Variants in MAGI2 observed in about 807,000 individuals in gnomAD.
MAGI2 encodes the protein membrane-associated guanylate kinase, WW and PDZ domain-containing protein 2.
Under a neutral mutation model 133.3 loss-of-function variants are expected in MAGI2, and 35 were observed. The ratio of observed to expected loss-of-function variants is 0.26; its 90% CI spans 0.20 to 0.35. MAGI2 has a LOEUF of 0.35. Ranked by LOEUF, MAGI2 falls within the 10% of genes least tolerant of loss-of-function variation. The pLI, the probability that MAGI2 is intolerant of heterozygous loss-of-function variation, is 1.00. For synonymous variants in MAGI2, 729 were observed against 710.6 expected, an observed-to-expected ratio of 1.03 and a Z score of -0.41; for missense variants, 1,636 against 1,863.4, an observed-to-expected ratio of 0.88 and a Z score of 2.25.
chr7:79,063,870 T>C (rs1393726924), intron 1 of MAGI2, among the ~76,000 whole-genome samples: 2 of 152,116 alleles, frequency 1.3e-5, no homozygotes, highest in African/African-American at 2.4e-5. Flanking sequence ...AAAATTCTTA[T>C]AAAGCCACAA....
intron 3 of MAGI2, among the ~76,000 whole-genome samples, chr7:78,573,055 A>ATGTATG (rs1563187510): frequency 8.8e-4 from 90 of 102,206 alleles, no homozygotes; most frequent in African/African-American, 3.5e-3. Flanking sequence ...ATATATATAT[A>ATGTATG]TATATATATA....
chr7:78,152,395 T>A (rs1218792813), intron 16 of MAGI2, among the ~76,000 whole-genome samples: 1 of 152,178 alleles, frequency 6.6e-6, no homozygotes, highest in African/African-American at 2.4e-5. Flanking sequence ...GAGATGTGTT[T>A]AAGCTTTATC....
intron 2 of MAGI2, among the ~76,000 whole-genome samples, chr7:78,670,472 A>G (rs1049433226): frequency 1.3e-5 from 2 of 152,248 alleles, no homozygotes; most frequent in African/African-American, 2.4e-5. Flanking sequence ...GGAAGAATCA[A>G]TATCATGAAA....
chr7:78,864,508 T>G (rs893195299), intron 2 of MAGI2, among the ~76,000 whole-genome samples: 2 of 152,214 alleles, frequency 1.3e-5, no homozygotes, highest in Non-Finnish European at 2.9e-5. Context: ...GCTGTGAGAT[T>G]GAATATAATT....
chr7:78,691,968 T>C (rs1817006429), intron 2 of MAGI2, among the ~76,000 whole-genome samples: 1 of 152,154 alleles, frequency 6.6e-6, no homozygotes, highest in Admixed American at 6.5e-5. Flanking sequence ...CCGGTGGGCA[T>C]GTTAATAATG....
In MAGI2 at chr7:78,795,557, A is replaced by G. The variant is rs541637966; in HGVS notation, c.419-168318T>C. Among the ~76,000 whole-genome samples the G allele has an allele frequency of 4.4e-4, 67 of 152,266 alleles. 2 individuals carry two copies. The South Asian group carries it at 0.013, about 30-fold the overall frequency. ...AAGAAGTCGAGAGGACACACAAAAA[A>G]GTGGAAAGATATTCCATGCTCATGG... On this transcript the variant is annotated intron_variant, in intron 2 of 21. Transcript: ENST00000354212.
chr7:78,407,965 A>G lies in MAGI2; in HGVS notation c.1046-38752T>C, dbSNP rs151070580. On this transcript the variant is annotated intron_variant, in intron 6 of 21. Transcript: ENST00000354212. ...CTTTGTTGCAGGAAATAAGCCAAGA[A>G]GCATATTATTTATTGAAGCAGGGGA... Among the ~76,000 whole-genome samples, 407 of 152,060 alleles carry G rather than the reference A, an allele frequency of 2.7e-3. 2 individuals carry two copies. The highest frequency in any genetic ancestry group is 9.1e-3 in the African/African-American group (379 of 41,486).
chr7:78,744,150 T>A (rs1475354277), intron 2 of MAGI2, among the ~76,000 whole-genome samples: 2 of 152,134 alleles, frequency 1.3e-5, no homozygotes, highest in Non-Finnish European at 2.9e-5. Context: ...TAAAGATATA[T>A]TTTCAAGAGG....
rs189421511 is a variant in MAGI2 at position 79,163,084 on chromosome 7, C to T, written c.302-155878G>A. ...ATGACTTCTCCTGTGACAAAACCTCCTTTTCTCTCCCCAAAACATCAGTAT... is the reference window on the plus strand; with the variant it reads ...ATGACTTCTCCTGTGACAAAACCTCTTTTTCTCTCCCCAAAACATCAGTAT... On this transcript the variant is annotated intron_variant, in intron 1 of 21. Transcript: ENST00000354212. 9.9e-5 allele frequency among the ~76,000 whole-genome samples: 15 copies of T among 152,136 alleles called. No homozygotes were observed. In the East Asian group the frequency reaches 2.9e-3, roughly 30 times the overall value.
chr7:78,495,361 T>C (rs966995519), intron 5 of MAGI2, among the ~76,000 whole-genome samples: 3 of 152,096 alleles, frequency 2.0e-5, no homozygotes, highest in Non-Finnish European at 4.4e-5. Context: ...GAACATGCGG[T>C]GTTTGGTTTT....
chr7:79,316,933 C>T (rs1838772563), intron 1 of MAGI2, among the ~76,000 whole-genome samples: 1 of 150,122 alleles, frequency 6.7e-6, no homozygotes, highest in Admixed American at 6.6e-5. Context: ...GAGCTGGATC[C>T]AGGAGCCCAT....
At chr7:79,208,844 T>C (rs1026118361) in intron 1 of MAGI2, among the ~76,000 whole-genome samples, 1 of 151,992 alleles carries the variant, frequency 6.6e-6, no homozygotes, top group African/African-American at 2.4e-5. Context: ...GAGTATAATT[T>C]GGCCATAAAA....
At chr7:78,416,713 G>A (rs1489440837) in intron 6 of MAGI2, among the ~76,000 whole-genome samples, 1 of 152,120 alleles carries the variant, frequency 6.6e-6, no homozygotes, top group Non-Finnish European at 1.5e-5. Flanking sequence ...AAGTCATAAA[G>A]CCTCCACCTT....
chr7:79,412,351 T>C (rs931077293), intron 1 of MAGI2: 4 of 152,180 alleles, frequency 2.6e-5, no homozygotes, highest in Non-Finnish European at 5.9e-5. Flanking sequence ...GCTTGAGAGC[T>C]GGAGAGCTCC....
intron 2 of MAGI2, among the ~76,000 whole-genome samples, chr7:78,986,173 T>C (rs928557613): frequency 1.3e-5 from 2 of 152,104 alleles, no homozygotes; most frequent in African/African-American, 4.8e-5. Flanking sequence ...CAAATTACTT[T>C]TGCATGAATA....
In MAGI2 at chr7:79,028,255, ATATATATATATATG is replaced by A. The variant is rs1261974274; in HGVS notation, c.302-21063_302-21050del. Among the ~76,000 whole-genome samples the A allele has an allele frequency of 7.1e-3, 171 of 23,964 alleles. 6 individuals are homozygous for A. The highest frequency in any genetic ancestry group is 0.02 in the African/African-American group (163 of 8,174). 15.7% of individuals were successfully genotyped at this position (23,964 alleles called of 152,430 possible). A position where few individuals can be genotyped will look rare whatever the true frequency, so the allele number is the denominator to read the frequency against. On this transcript the variant is annotated intron_variant, in intron 1 of 21. Transcript: ENST00000354212. ...TGTATGTATATATATATATATATAT[ATATATATATATATG>A]TATGTATGTATATATATATATATGT...
intron 9 of MAGI2, among the ~76,000 whole-genome samples, chr7:78,310,933 G>A (rs898891919): frequency 3.3e-5 from 5 of 152,146 alleles, no homozygotes; most frequent in African/African-American, 7.2e-5. Flanking sequence ...ATCATACATC[G>A]AAGTAAAGAT....
At chr7:78,557,046 G>A (rs951898329) in intron 3 of MAGI2, among the ~76,000 whole-genome samples, 6 of 130,536 alleles carry the variant, frequency 4.6e-5, no homozygotes, top group African/African-American at 1.9e-4. Flanking sequence ...AGCTGAGATA[G>A]TGCCACTATA....
In MAGI2 at chr7:78,615,711, T is replaced by C. The variant is rs534210063; in HGVS notation, c.538+11409A>G. 3.3e-5 allele frequency: 5 copies of C among 152,344 alleles called. No homozygotes were observed. In the South Asian group the frequency reaches 8.3e-4, roughly 25 times the overall value. 9.4% of individuals were successfully genotyped at this position (152,344 alleles called of 1,614,324 possible). On this transcript the variant is annotated intron_variant, in intron 3 of 21. Coordinates refer to ENST00000354212, the MANE Select transcript of MAGI2 (RefSeq NM_012301.4). ...GAAAATTTTAACTCAAATATGTTCCTTTTATCTACCCATCATTGTCAGGAT... is the reference window on the plus strand; with the variant it reads ...GAAAATTTTAACTCAAATATGTTCCCTTTATCTACCCATCATTGTCAGGAT...
Sources: gnomAD v4.1 joint callset for allele counts (sites outside exome capture counted in the v4.1 genomes callset) on GRCh38, gnomAD v4.1.1 for gene constraint, MANE v1.5 for transcripts, NCBI Gene and HGNC (gene_info 2026-07-23, HGNC 2026-07-21) for gene names.